Variants in STARD5 observed in about 807,000 individuals in gnomAD.
STARD5 encodes stAR-related lipid transfer protein 5.
STARD5 carries 26 observed loss-of-function variants against 24.6 expected under a neutral mutation model. The observed-to-expected ratio is 1.06, with a 90% CI of 0.77 to 1.47. The LOEUF (loss-of-function observed/expected upper bound fraction) is 1.47. STARD5 is among the 40% of genes most tolerant of loss of function. The pLI is 0.00. For missense variants in STARD5, 254 were observed against 270.8 expected, an observed-to-expected ratio of 0.94 and a Z score of 0.44; for synonymous variants, 101 against 99.7, an observed-to-expected ratio of 1.01 and a Z score of -0.07.
Position 81,322,307 on chromosome 15 carries a change from T to C in STARD5, c.282+101A>G. On this transcript the variant is annotated intron_variant, in intron 3 of 5. Coordinates refer to ENST00000302824, the MANE Select transcript of STARD5 (RefSeq NM_181900.3). ...GCCTGTGCTTGCAGGACACACCCCC[T>C]TAACAAAAGGTATCACGGACCCCTT... 2.0e-6 allele frequency: 3 copies of C among 1,496,114 alleles called. No homozygotes were observed. The Admixed American group carries it at 5.2e-5, about 26-fold the overall frequency. The allele number at this position is 1,496,114 out of a possible 1,614,324, so 92.7% of individuals were successfully genotyped here. A position where few individuals can be genotyped will look rare whatever the true frequency, so the allele number is the denominator to read the frequency against.
chr15:81,323,463 G>A (rs183286583), intron 1 of STARD5: 18 of 397,782 alleles, frequency 4.5e-5, no homozygotes, highest in Middle Eastern at 8.2e-4. Context: ...CAAAGAGAGG[G>A]GTTCATGCTG....
chr15:81,316,936 C>T (rs1310928200), intron 5 of STARD5, among the ~76,000 whole-genome samples: 4 of 152,144 alleles, frequency 2.6e-5, no homozygotes, highest in African/African-American at 7.2e-5. Context: ...CGGTGACTCA[C>T]GCCTGTAATC....
At chr15:81,314,678 G>A (rs932418330) in intron 5 of STARD5, among the ~76,000 whole-genome samples, 7 of 152,030 alleles carry the variant, frequency 4.6e-5, no homozygotes, top group Non-Finnish European at 1.5e-5. Context: ...CTGAGGTCAG[G>A]AGTTCGAGAC....
intron 5 of STARD5, among the ~76,000 whole-genome samples, chr15:81,316,634 T>TTGC (rs1384417100): frequency 3.9e-5 from 6 of 152,346 alleles, no homozygotes; most frequent in South Asian, 4.1e-4. Flanking sequence ...GTATAAATGT[T>TTGC]TGCTGCTGCT....
intron 4 of STARD5, 111 bp from the exon 5 acceptor site, chr15:81,318,613 G>T: frequency 1.1e-6 from 1 of 923,426 alleles, no homozygotes; most frequent in Non-Finnish European, 1.7e-6. Flanking sequence ...TGGAGTCTGT[G>T]AGGGACTCCT....
chr15:81,321,211 A>C (rs1362418924), intron 3 of STARD5, among the ~76,000 whole-genome samples: 3 of 152,208 alleles, frequency 2.0e-5, no homozygotes. Flanking sequence ...ATCTCATCTA[A>C]AGACGCAAAA....
chr15:81,322,961 A>G lies in STARD5; in HGVS notation c.100-13T>C. On this transcript the variant is annotated splice_polypyrimidine_tract_variant and intron_variant, in intron 1 of 5. Coordinates refer to ENST00000302824, the MANE Select transcript of STARD5 (RefSeq NM_181900.3). The stretch of plus-strand genomic sequence containing the variant: ...CTGAAACTCCATTCTGTCAAAAGGC[A>G]CAGAACCACAGAATTTTAGAGCTAG... The G allele has an allele frequency of 6.2e-7, 1 of 1,614,004 alleles. No individual in the cohort carries two copies. The highest frequency in any genetic ancestry group is 1.1e-5 in the South Asian group (1 of 91,082).
At chr15:81,322,031 A>C (rs1380899211) in intron 3 of STARD5, among the ~76,000 whole-genome samples, 1 of 152,248 alleles carries the variant, frequency 6.6e-6, no homozygotes, top group Non-Finnish European at 1.5e-5. Context: ...GTAAGCAAAA[A>C]GCGTGAAGAC....
intron 5 of STARD5, among the ~76,000 whole-genome samples, chr15:81,314,254 T>C (rs6495559): frequency 0.013 from 1,925 of 152,178 alleles, 32 homozygotes; most frequent in African/African-American, 0.044. Context: ...GGCGAATAAT[T>C]TGAGCACCTA....
At chr15:81,319,491 T>C (rs1251427546) in intron 3 of STARD5, 35 bp from the exon 4 acceptor site, 2 of 1,583,770 alleles carry the variant, frequency 1.3e-6, no homozygotes, top group East Asian at 2.2e-5. Context: ...CTGTGACTGC[T>C]GGCCAGACAT....
intron 3 of STARD5, among the ~76,000 whole-genome samples, chr15:81,320,835 G>C (rs1057185052): frequency 6.6e-6 from 1 of 151,036 alleles, no homozygotes; most frequent in Non-Finnish European, 1.5e-5. Flanking sequence ...AAGATGAGGA[G>C]GACTTTGGAA....
rs1250771599 is a variant in STARD5 at position 81,313,515 on chromosome 15, C to G, written c.495-112G>C. Reference sequence around the variant, plus strand: ...GTGGAAATGGCCATGATACAGTGATCGCGTCTCATCCCTTGCTGTGCCCTC... The same window carrying G: ...GTGGAAATGGCCATGATACAGTGATGGCGTCTCATCCCTTGCTGTGCCCTC... On this transcript the variant is annotated intron_variant, in intron 5 of 5. Transcript: ENST00000302824. 3 of 1,056,146 alleles carry G rather than the reference C, an allele frequency of 2.8e-6. 1 individual carries two copies. Among genetic ancestry groups the G allele is most frequent in the Non-Finnish European group, 2.6e-6 (2 of 772,778 alleles). 65.4% of individuals were successfully genotyped at this position (1,056,146 alleles called of 1,614,324 possible).
chr15:81,315,486 G>A (rs1465062186), intron 5 of STARD5, among the ~76,000 whole-genome samples: 2 of 152,170 alleles, frequency 1.3e-5, no homozygotes, highest in Non-Finnish European at 2.9e-5. Flanking sequence ...AGGCTGGGAT[G>A]AAGGCATCCA....
At position 81,322,992 on chromosome 15, in the gene STARD5, C is replaced by T. The variant is rs1297111854; in HGVS notation, c.100-44G>A. 1.9e-6 allele frequency: 3 copies of T among 1,608,144 alleles called. No individual in the cohort carries two copies. In the African/African-American group the frequency reaches 4.0e-5, roughly 21 times the overall value. On this transcript the variant is annotated intron_variant, in intron 1 of 5. Coordinates refer to ENST00000302824, the MANE Select transcript of STARD5 (RefSeq NM_181900.3). ...CCACAGAATTTTAGAGCTAGAAGGG[C>T]TCTGGTCACCTGGCTTAATCCCCTG... is the stretch of plus-strand genomic sequence containing the variant.
rs1219664441 is a variant in STARD5, at chr15:81,309,757, T to C, written c.*3499A>G. On this transcript the variant is annotated 3_prime_UTR_variant, in exon 6 of 6. Transcript: ENST00000302824. ...GTGTATATGAGGGTATCAAATAAAA[T>C]TGCTACTACTTACCTACCACATGCC... is the stretch of plus-strand genomic sequence containing the variant. The C allele has an allele frequency of 6.6e-6, 1 of 152,144 alleles. No homozygotes were observed. Among genetic ancestry groups the C allele is most frequent in the Non-Finnish European group, 1.5e-5 (1 of 68,042 alleles). The allele number at this position is 152,144 out of a possible 1,614,324, so 9.4% of individuals were successfully genotyped here.
intron 5 of STARD5, among the ~76,000 whole-genome samples, chr15:81,314,893 GAAAAAAAAAAA>G (rs5814055): frequency 9.6e-6 from 1 of 104,050 alleles, no homozygotes; most frequent in Non-Finnish European, 1.9e-5. Flanking sequence ...CCTCAAAAAA[GAAAAAAAAAAA>G]AAAAAAAAAA....
chr15:81,322,069 T>C (rs1893300092), intron 3 of STARD5, among the ~76,000 whole-genome samples: 1 of 152,242 alleles, frequency 6.6e-6, no homozygotes, highest in African/African-American at 2.4e-5. Context: ...ACTGGGGTCA[T>C]GCAGGTACGT....
Position 81,322,884 on chromosome 15 carries a change from G to A in STARD5, c.149+15C>T, listed in dbSNP as rs750349414. 1.5e-5 allele frequency: 24 copies of A among 1,614,050 alleles called. No homozygotes were observed. Among genetic ancestry groups the A allele is most frequent in the South Asian group, 3.3e-5 (3 of 91,084 alleles). The stretch of plus-strand genomic sequence containing the variant: ...GCGGCACCTCTGGTAATCTTTGAAC[G>A]AGGCATGCACTTACAGGTTCCCTGG... On this transcript the variant is annotated intron_variant, in intron 2 of 5. Transcript: ENST00000302824.
intron 3 of STARD5, 69 bp downstream of exon 3, chr15:81,322,339 G>A: frequency 1.3e-6 from 2 of 1,592,584 alleles, no homozygotes; most frequent in Non-Finnish European, 1.7e-6. Context: ...CCTTCCAGAA[G>A]AAATGGGAGG....
Sources: gnomAD v4.1 joint callset for allele counts (sites outside exome capture counted in the v4.1 genomes callset) on GRCh38, gnomAD v4.1.1 for gene constraint, MANE v1.5 for transcripts, NCBI Gene and HGNC (gene_info 2026-07-23, HGNC 2026-07-21) for gene names.